The following NSUN6 variants were observed in gnomAD, a reference collection of about 807,000 sequenced individuals.
NSUN6 encodes the protein NOP2/Sun RNA methyltransferase 6.
A neutral mutation model predicts 58.0 loss-of-function variants in NSUN6; 64 were observed. That is an observed-to-expected ratio of 1.10 (90% CI 0.90 to 1.36). The LOEUF (loss-of-function observed/expected upper bound fraction) is 1.36. Ranked by LOEUF, NSUN6 falls within the 40% of genes most tolerant of loss-of-function variation. NSUN6 has a pLI of 0.00. For missense variants in NSUN6, 701 were observed against 550.1 expected (o/e 1.27, Z -2.74); for synonymous variants, 231 against 193.9 (o/e 1.19, Z -1.59).
intron 8 of NSUN6, among the ~76,000 whole-genome samples, chr10:18,562,728 A>AATAGAG (rs2055617932): frequency 2.1e-4 from 29 of 138,798 alleles, no homozygotes; most frequent in African/African-American, 8.4e-4. Flanking sequence ...ATGGAATGCG[A>AATAGAG]AATGGAATGG....
At chr10:18,642,395 T>C in intron 3 of NSUN6, 81 bp downstream of exon 3, 3 of 717,542 alleles carry the variant, frequency 4.2e-6, no homozygotes, top group Non-Finnish European at 7.5e-6. Context: ...AAACTTAGTA[T>C]TATCACTGAA....
chr10:18,610,432 C>T (rs576775769), intron 5 of NSUN6, among the ~76,000 whole-genome samples: 2 of 152,106 alleles, frequency 1.3e-5, no homozygotes, highest in Admixed American at 6.6e-5. Context: ...CTGCAGAATA[C>T]GAAGCCATCA....
chr10:18,620,316 T>C (rs1049537590), intron 3 of NSUN6, among the ~76,000 whole-genome samples: 1 of 152,116 alleles, frequency 6.6e-6, no homozygotes, highest in Non-Finnish European at 1.5e-5. Flanking sequence ...CTCGATCTCC[T>C]GACTTCGTGA....
In NSUN6 at chr10:18,651,186, C is replaced by A; in HGVS notation, c.18G>T (p.Lys6Asn). Residue 6 changes from lysine to asparagine, a missense_variant, in exon 1 of 11, where the codon AAG (lysine) becomes AAT (asparagine). By Grantham distance (94) the Lys-to-Asn change is moderately conservative. Coordinates refer to ENST00000377304, the MANE Select transcript of NSUN6 (RefSeq NM_182543.5). ...TTTCAACCTCAGGTCTCAAAGATAT[C>A]TTAGGGAAAATAGACATTTTTCCTG... MSIFPKISLRPEVENY... is the reference protein window; with the variant it reads MSIFPNISLRPEVENY... 6.4e-7 allele frequency: 1 copy of A among 1,571,520 alleles called. No individual in the cohort carries two copies. Among genetic ancestry groups the A allele is most frequent in the Non-Finnish European group, 8.6e-7 (1 of 1,166,136 alleles).
chr10:18,623,346 G>C (rs2058675421), intron 3 of NSUN6, among the ~76,000 whole-genome samples: 1 of 152,102 alleles, frequency 6.6e-6, no homozygotes, highest in South Asian at 2.1e-4. Flanking sequence ...GCAATGAAAG[G>C]GGGGGAAAAG....
chr10:18,649,975 C>A (rs1258461390), intron 1 of NSUN6, among the ~76,000 whole-genome samples: 2 of 152,020 alleles, frequency 1.3e-5, no homozygotes, highest in African/African-American at 4.8e-5. Flanking sequence ...ATAACATATT[C>A]AAAAATGAGT....
intron 3 of NSUN6, among the ~76,000 whole-genome samples, chr10:18,620,323 G>A (rs2058561065): frequency 1.3e-5 from 2 of 151,982 alleles, no homozygotes; most frequent in Admixed American, 6.6e-5. Context: ...TCCTGACTTC[G>A]TGATCCGCCC....
intron 5 of NSUN6, among the ~76,000 whole-genome samples, chr10:18,613,508 T>G (rs190628915): frequency 7.2e-4 from 110 of 152,216 alleles, no homozygotes; most frequent in African/African-American, 2.5e-3. Flanking sequence ...TCAAATAACC[T>G]AAAAGAATGA....
upstream of NSUN6, chr10:18,652,985 C>T (rs2059735375): frequency 6.1e-6 from 6 of 984,930 alleles, no homozygotes; most frequent in South Asian, 2.8e-4. Context: ...TTGTCCTTGA[C>T]CATAGCATAT....
At chr10:18,552,651 C>G (rs1014322063) in intron 8 of NSUN6, among the ~76,000 whole-genome samples, 1 of 151,860 alleles carries the variant, frequency 6.6e-6, no homozygotes, top group Non-Finnish European at 1.5e-5. Flanking sequence ...CCATTCCATT[C>G]CCCATTCTAT....
At chr10:18,651,959 G>A, upstream of NSUN6, 7 of 985,406 alleles carry the variant, frequency 7.1e-6, no homozygotes, top group Non-Finnish European at 8.4e-6. Flanking sequence ...CCAGTTAGAG[G>A]ATGAGGCCAG....
chr10:18,565,940 A>G (rs1212594802), intron 8 of NSUN6, among the ~76,000 whole-genome samples: 6 of 143,418 alleles, frequency 4.2e-5, no homozygotes, highest in Middle Eastern at 4.1e-3. Context: ...TCTCCCTCCC[A>G]TTCCCTTCCA....
At chr10:18,560,660 AGAATGGAGAATG>A (rs1489527683) in intron 8 of NSUN6, among the ~76,000 whole-genome samples, 18 of 134,584 alleles carry the variant, frequency 1.3e-4, no homozygotes, top group South Asian at 5.1e-4. Context: ...AATGGAATGG[AGAATGGAGAATG>A]GAATGGAGAA....
chr10:18,546,885 T>C (rs1242436891), intron 10 of NSUN6, among the ~76,000 whole-genome samples: 1 of 106,858 alleles, frequency 9.4e-6, no homozygotes, highest in Non-Finnish European at 2.0e-5. Flanking sequence ...AAACAAAAAA[T>C]GAAAGAAAAG....
intron 3 of NSUN6, among the ~76,000 whole-genome samples, chr10:18,634,510 G>C (rs2131509567): frequency 6.6e-6 from 1 of 152,148 alleles, no homozygotes; most frequent in South Asian, 2.1e-4. Flanking sequence ...CCTGCACTTT[G>C]GGAGGCTGAG....
At chr10:18,657,380 A>T (rs1443732405), upstream of NSUN6, among the ~76,000 whole-genome samples, 1 of 152,210 alleles carries the variant, frequency 6.6e-6, no homozygotes, top group Non-Finnish European at 1.5e-5. Context: ...AAAGGTGTTA[A>T]AAGTAAGTTA....
At chr10:18,593,873 AT>A (rs375639188) in intron 7 of NSUN6, among the ~76,000 whole-genome samples, 21,663 of 150,216 alleles carry the variant, frequency 0.14, 1,723 homozygotes, top group Middle Eastern at 0.23. Flanking sequence ...TTAAAGCACA[AT>A]TAAAAAAAAA....
intron 8 of NSUN6, among the ~76,000 whole-genome samples, chr10:18,566,416 C>T (rs1402982052): frequency 6.7e-6 from 1 of 149,878 alleles, no homozygotes; most frequent in Non-Finnish European, 1.5e-5. Flanking sequence ...CATTCTATTC[C>T]ATTCCACAAT....
intron 8 of NSUN6, among the ~76,000 whole-genome samples, chr10:18,583,501 T>C (rs756601503): frequency 2.0e-5 from 3 of 152,094 alleles, no homozygotes. Context: ...GACCCATTGG[T>C]AGGGGAGAAA....
Sources: gnomAD v4.1 joint callset for allele counts (sites outside exome capture counted in the v4.1 genomes callset) on GRCh38, gnomAD v4.1.1 for gene constraint, MANE v1.5 for transcripts, NCBI Gene and HGNC (gene_info 2026-07-23, HGNC 2026-07-21) for gene names.